Variants in EYS observed in about 807,000 individuals in gnomAD.
EYS encodes the protein protein eyes shut homolog.
Under a neutral mutation model 282.1 loss-of-function variants are expected in EYS, and 250 were observed. The ratio of observed to expected loss-of-function variants is 0.89; its 90% CI spans 0.80 to 0.98. EYS has a LOEUF of 0.98. EYS is among the 50% of genes least tolerant of loss of function. EYS has a pLI of 0.00. For synonymous variants in EYS, 1,355 were observed against 1,282.9 expected (o/e 1.06, Z -1.20); for missense variants, 4,016 against 3,709.0 (o/e 1.08, Z -2.15).
chr6:64,641,900 C>T (rs1768169400), intron 22 of EYS, among the ~76,000 whole-genome samples: 1 of 152,116 alleles, frequency 6.6e-6, no homozygotes, highest in Non-Finnish European at 1.5e-5. Flanking sequence ...TGAGGTAGAA[C>T]AGTTTTATCC....
At chr6:65,210,608 C>G (rs1042617309) in intron 12 of EYS, among the ~76,000 whole-genome samples, 2 of 151,848 alleles carry the variant, frequency 1.3e-5, no homozygotes, top group Non-Finnish European at 2.9e-5. Flanking sequence ...TGGAAGGGGA[C>G]AGCAGCGTTG....
chr6:63,786,765 A>C (rs1362935284), intron 39 of EYS, among the ~76,000 whole-genome samples: 4 of 152,054 alleles, frequency 2.6e-5, no homozygotes, highest in Non-Finnish European at 5.9e-5. Context: ...TTAAAATGCA[A>C]ATTTTTAGAT....
chr6:65,485,701 A>T (rs1582360188), intron 5 of EYS, among the ~76,000 whole-genome samples: 2 of 152,206 alleles, frequency 1.3e-5, no homozygotes, highest in South Asian at 4.1e-4. Flanking sequence ...GCTACTTGGG[A>T]GCGTAAGACA....
intron 21 of EYS, among the ~76,000 whole-genome samples, chr6:64,817,694 A>G (rs1397299593): frequency 6.6e-6 from 1 of 152,168 alleles, no homozygotes; most frequent in African/African-American, 2.4e-5. Context: ...ATAAGTGAGA[A>G]CATATGGTAT....
At chr6:65,500,981 A>G (rs867063474) in intron 2 of EYS, among the ~76,000 whole-genome samples, 2 of 152,124 alleles carry the variant, frequency 1.3e-5, no homozygotes, top group Middle Eastern at 3.4e-3. Context: ...GTATAATTTT[A>G]TAATGCTTTT....
chr6:64,079,742 GC>G (rs1163688112), intron 32 of EYS, among the ~76,000 whole-genome samples: 1 of 151,956 alleles, frequency 6.6e-6, no homozygotes, highest in African/African-American at 2.4e-5. Context: ...ACCACAACAG[GC>G]CCCTGTGTGT....
Position 63,772,838 on chromosome 6 carries a change from G to GATAACTATT in EYS, c.7898+5159_7898+5167dup, listed in dbSNP as rs1417721545. On this transcript the variant is annotated intron_variant, in intron 40 of 42. Coordinates refer to ENST00000503581, the MANE Select transcript of EYS (RefSeq NM_001142800.2). ...TTCTTGTTTTCTCCCTTACCCTATA[G>GATAACTATT]ATAACTATTTATAAATTGTGTGTGT... Among the ~76,000 whole-genome samples, 3 of 151,846 alleles carry GATAACTATT rather than the reference G, an allele frequency of 2.0e-5. No individual in the cohort carries two copies. In the East Asian group the frequency reaches 5.8e-4, roughly 29 times the overall value.
At chr6:64,448,601 C>T (rs961066029) in intron 26 of EYS, among the ~76,000 whole-genome samples, 1 of 152,168 alleles carries the variant, frequency 6.6e-6, no homozygotes, top group Non-Finnish European at 1.5e-5. Context: ...CTGGGAGGCA[C>T]CCCCCAGTAG....
intron 26 of EYS, among the ~76,000 whole-genome samples, chr6:64,460,534 T>C (rs1775710561): frequency 6.6e-6 from 1 of 152,230 alleles, no homozygotes; most frequent in African/African-American, 2.4e-5. Flanking sequence ...TCACATAGAT[T>C]CCTTATGCTT....
intron 12 of EYS, among the ~76,000 whole-genome samples, chr6:65,185,572 T>C (rs754674850): frequency 6.6e-6 from 1 of 151,850 alleles, no homozygotes; most frequent in Non-Finnish European, 1.5e-5. Context: ...TAAAGCAGCA[T>C]AATTTTTCTT....
At position 64,388,706 on chromosome 6, in the gene EYS, A is replaced by G. The variant is rs1372426303; in HGVS notation, c.6062T>C (p.Leu2021Pro). The G allele has an allele frequency of 1.6e-5, 24 of 1,534,240 alleles. No individual in the cohort carries two copies. The highest frequency in any genetic ancestry group is 2.0e-5 in the Non-Finnish European group (23 of 1,139,774). ...TAGAAATACCTGGATTTTCCCATGAAGGTCTGGAAATCCACCAATGAAGAC... is the reference window on the plus strand; with the variant it reads ...TAGAAATACCTGGATTTTCCCATGAGGGTCTGGAAATCCACCAATGAAGAC... ...GSVFIGGFPDLHGKIQMPVPV... is the reference protein window; with the variant it reads ...GSVFIGGFPDPHGKIQMPVPV... Residue 2021 changes from leucine to proline, a missense_variant, in exon 29 of 43, where the codon CTT becomes CCT. Leu to Pro is a moderately conservative substitution (Grantham distance 98). Transcript: ENST00000503581.
intron 22 of EYS, among the ~76,000 whole-genome samples, chr6:64,769,855 C>A (rs1434210777): frequency 1.3e-5 from 2 of 151,772 alleles, no homozygotes; most frequent in Admixed American, 6.6e-5. Flanking sequence ...GTTTAAGGAA[C>A]TAAAAGTATT....
At chr6:65,536,603 T>C (rs1369992662) in intron 2 of EYS, among the ~76,000 whole-genome samples, 4 of 152,120 alleles carry the variant, frequency 2.6e-5, no homozygotes, top group South Asian at 2.1e-4. Context: ...TTGGATAATA[T>C]CTAAAAATGC....
chr6:63,961,558 C>A (rs961839292), intron 35 of EYS, among the ~76,000 whole-genome samples: 4 of 152,042 alleles, frequency 2.6e-5, no homozygotes, highest in African/African-American at 7.2e-5. Context: ...CCTGCACCCA[C>A]GTGAAATAAA....
At chr6:65,371,735 CTCTCTCTGTG>C (rs1308965581) in intron 8 of EYS, among the ~76,000 whole-genome samples, 1,787 of 47,550 alleles carry the variant, frequency 0.038, 11 homozygotes, top group Middle Eastern at 0.074. Context: ...CTCTCTCTCT[CTCTCTCTGTG>C]TGTGTGTGTG....
chr6:64,790,449 AT>A lies in EYS; in HGVS notation c.3443+22928del, dbSNP rs564141009. On this transcript the variant is annotated intron_variant, in intron 22 of 42. Transcript: ENST00000503581. Reference sequence around the variant, plus strand: ...GTTCAATCATAAGACAAGAAAAAAAATGTACATCTAACAATTAGCAATCACC... The same window carrying A: ...GTTCAATCATAAGACAAGAAAAAAAAGTACATCTAACAATTAGCAATCACC... Among the ~76,000 whole-genome samples, 711 of 152,054 alleles carry A rather than the reference AT, an allele frequency of 4.7e-3. 6 individuals are homozygous for A. Among genetic ancestry groups the A allele is most frequent in the African/African-American group, 0.015 (625 of 41,546 alleles).
chr6:64,534,465 T>C (rs1232595660), intron 26 of EYS, among the ~76,000 whole-genome samples: 2 of 152,142 alleles, frequency 1.3e-5, no homozygotes, highest in African/African-American at 2.4e-5. Context: ...ATCTTTCAGT[T>C]TACATTAATC....
intron 11 of EYS, among the ~76,000 whole-genome samples, chr6:65,310,637 C>G (rs1769132219): frequency 6.6e-6 from 1 of 152,160 alleles, no homozygotes; most frequent in African/African-American, 2.4e-5. Context: ...TTTCCACACC[C>G]TTCTCATTCT....
chr6:65,467,969 A>G (rs1430385882), intron 5 of EYS, among the ~76,000 whole-genome samples: 1 of 152,178 alleles, frequency 6.6e-6, no homozygotes. Flanking sequence ...TTACTTTTGA[A>G]AATAAAGAAT....
Sources: allele counts gnomAD v4.1 joint callset (sites outside exome capture counted in the v4.1 genomes callset), GRCh38; gene constraint gnomAD v4.1.1; transcripts MANE v1.5; gene names NCBI Gene and HGNC (gene_info 2026-07-23, HGNC 2026-07-21).